The following ADAMTS19 variants were observed in gnomAD, a reference collection of about 807,000 sequenced individuals.
ADAMTS19 encodes the protein A disintegrin and metalloproteinase with thrombospondin motifs 19.
Under a neutral mutation model 153.3 loss-of-function variants are expected in ADAMTS19, and 93 were observed. The ratio of observed to expected loss-of-function variants is 0.61; its 90% CI spans 0.51 to 0.72. The LOEUF is 0.72. Among genes scored for constraint, ADAMTS19 ranks in the 30% least tolerant of loss-of-function variants. The pLI is 0.00. For synonymous variants in ADAMTS19, 600 were observed against 556.6 expected (o/e 1.08, Z -1.10); for missense variants, 1,482 against 1,552.1 (o/e 0.95, Z 0.76).
At chr5:129,671,983 C>T (rs961122766) in intron 16 of ADAMTS19, among the ~76,000 whole-genome samples, 1 of 152,144 alleles carries the variant, frequency 6.6e-6, no homozygotes, top group Non-Finnish European at 1.5e-5. Context: ...TCTCTTTGGG[C>T]TGCTATAACA....
rs935638945 is a variant in ADAMTS19, at chr5:129,670,109, C to G, written c.2506+4530C>G. Reference sequence around the variant, plus strand: ...GCATCAGGAAATCATTTCAGTTACTCAAAATTATTACTTTTTCTCTGTATA... The same window carrying G: ...GCATCAGGAAATCATTTCAGTTACTGAAAATTATTACTTTTTCTCTGTATA... On this transcript the variant is annotated intron_variant, in intron 16 of 22. Coordinates refer to ENST00000274487, the MANE Select transcript of ADAMTS19 (RefSeq NM_133638.6). Among the ~76,000 whole-genome samples, 79 of 152,090 alleles carry G rather than the reference C, an allele frequency of 5.2e-4. 1 individual carries two copies. The highest frequency in any genetic ancestry group is 4.4e-5 in the Non-Finnish European group (3 of 67,990).
chr5:129,634,054 G>C (rs1284516494), intron 10 of ADAMTS19, among the ~76,000 whole-genome samples: 1 of 152,076 alleles, frequency 6.6e-6, no homozygotes, highest in Admixed American at 6.6e-5. Flanking sequence ...TGTTTTTCCA[G>C]TTGGAACCTA....
chr5:129,684,811 C>A (rs1755003640), intron 18 of ADAMTS19, among the ~76,000 whole-genome samples: 1 of 151,960 alleles, frequency 6.6e-6, no homozygotes, highest in Non-Finnish European at 1.5e-5. Context: ...CACGGCGAAA[C>A]CCCGTCTCTA....
In ADAMTS19 at chr5:129,647,966, C is replaced by T. The variant is rs1016857061; in HGVS notation, c.2003+71C>T. ...GAATGCAAAGGTTTTACTGATAAAG[C>T]ATGTTGGAAAGCAAAAGAAGCTCCT... On this transcript the variant is annotated intron_variant, in intron 12 of 22. Transcript: ENST00000274487. 6.0e-6 allele frequency: 9 copies of T among 1,499,940 alleles called. No individual in the cohort carries two copies. The African/African-American group carries it at 1.1e-4, about 18-fold the overall frequency. 92.9% of individuals were successfully genotyped at this position (1,499,940 alleles called of 1,614,324 possible).
chr5:129,664,357 G>A (rs980129963), intron 15 of ADAMTS19, among the ~76,000 whole-genome samples: 2 of 152,084 alleles, frequency 1.3e-5, no homozygotes, highest in Non-Finnish European at 2.9e-5. Flanking sequence ...TTATGCATTT[G>A]TTTCCATTTT....
intron 21 of ADAMTS19, among the ~76,000 whole-genome samples, chr5:129,733,573 G>A (rs1757538819): frequency 6.6e-6 from 1 of 151,704 alleles, no homozygotes; most frequent in South Asian, 2.1e-4. Context: ...ATCACTAATC[G>A]TCCAAGAAAT....
At chr5:129,699,437 A>G (rs1039210677) in intron 19 of ADAMTS19, among the ~76,000 whole-genome samples, 5 of 152,042 alleles carry the variant, frequency 3.3e-5, no homozygotes, top group East Asian at 1.9e-4. Context: ...AAAAAAAAAA[A>G]AAAGAAAGAC....
chr5:129,687,814 A>G (rs1450800202), intron 18 of ADAMTS19, among the ~76,000 whole-genome samples: 1 of 152,044 alleles, frequency 6.6e-6, no homozygotes, highest in Non-Finnish European at 1.5e-5. Context: ...TCTTCTAGAG[A>G]TTATTTAGGT....
At chr5:129,570,996 TTC>T (rs990879218) in intron 7 of ADAMTS19, among the ~76,000 whole-genome samples, 2 of 151,900 alleles carry the variant, frequency 1.3e-5, no homozygotes, top group Non-Finnish European at 2.9e-5. Flanking sequence ...AACGAATGCT[TTC>T]TGACTCAGAC....
At chr5:129,732,678 G>C (rs79871320) in intron 21 of ADAMTS19, among the ~76,000 whole-genome samples, 2,393 of 152,008 alleles carry the variant, frequency 0.016, 62 homozygotes, top group African/African-American at 0.053. Flanking sequence ...ACAAACAAAA[G>C]GAAGAACATC....
At chr5:129,587,849 T>G (rs1175930100) in intron 7 of ADAMTS19, among the ~76,000 whole-genome samples, 1 of 152,108 alleles carries the variant, frequency 6.6e-6, no homozygotes, top group Non-Finnish European at 1.5e-5. Context: ...TCTGCAGTTG[T>G]ACTCTTCTGG....
At chr5:129,705,234 C>T (rs1388404195) in intron 21 of ADAMTS19, among the ~76,000 whole-genome samples, 1 of 152,244 alleles carries the variant, frequency 6.6e-6, no homozygotes, top group African/African-American at 2.4e-5. Context: ...TAAATCCTCT[C>T]TCCTTCCCCT....
At chr5:129,606,268 A>G (rs535864251) in intron 8 of ADAMTS19, among the ~76,000 whole-genome samples, 1 of 152,192 alleles carries the variant, frequency 6.6e-6, no homozygotes, top group Non-Finnish European at 1.5e-5. Flanking sequence ...CCTGGATAGA[A>G]TAGAGGGGAG....
intron 2 of ADAMTS19, among the ~76,000 whole-genome samples, chr5:129,475,335 T>C (rs1033343010): frequency 1.3e-5 from 2 of 152,222 alleles, no homozygotes; most frequent in Non-Finnish European, 2.9e-5. Flanking sequence ...GAAAATACCA[T>C]ACTTTCCTCA....
chr5:129,465,709 C>T (rs965135186), intron 2 of ADAMTS19, among the ~76,000 whole-genome samples: 1 of 152,156 alleles, frequency 6.6e-6, no homozygotes, highest in African/African-American at 2.4e-5. Context: ...GAAATAAACA[C>T]ATAACGAGGA....
rs142604007 is a variant in ADAMTS19, at chr5:129,625,918, C to T, written c.1770+3570C>T. Among the ~76,000 whole-genome samples the T allele has an allele frequency of 3.3e-3, 508 of 152,234 alleles. 4 individuals are homozygous for T. The highest frequency in any genetic ancestry group is 0.011 in the African/African-American group (440 of 41,546). On this transcript the variant is annotated intron_variant, in intron 10 of 22. Coordinates refer to ENST00000274487, the MANE Select transcript of ADAMTS19 (RefSeq NM_133638.6). ...GTGTTTTAGTCCTGAAGTCCTTGCCCATGCCTATGTCCTGAATGGTATTAC... is the reference window on the plus strand; with the variant it reads ...GTGTTTTAGTCCTGAAGTCCTTGCCTATGCCTATGTCCTGAATGGTATTAC...
chr5:129,486,190 A>G (rs1750585773), intron 2 of ADAMTS19, among the ~76,000 whole-genome samples: 1 of 152,194 alleles, frequency 6.6e-6, no homozygotes, highest in African/African-American at 2.4e-5. Flanking sequence ...AAGAAGTACT[A>G]GAAATTCTTT....
intron 4 of ADAMTS19, 130 bp from the exon 5 acceptor site, chr5:129,527,616 CTT>C (rs370814072): frequency 0.025 from 4,390 of 176,168 alleles, 37 homozygotes; most frequent in African/African-American, 0.038. Flanking sequence ...GCTTTACAAG[CTT>C]TTTTTTTTTT....
At chr5:129,471,447 AAAAGAAGGAAGGAAGGAAGG>A (rs1750063506) in intron 2 of ADAMTS19, among the ~76,000 whole-genome samples, 1 of 117,648 alleles carries the variant, frequency 8.5e-6, no homozygotes, top group African/African-American at 5.0e-5. Flanking sequence ...GAAAGAAAGA[AAAAGAAGGAAGGAAGGAAGG>A]AAGGAAGGAA....
Sources: allele counts gnomAD v4.1 joint callset (sites outside exome capture counted in the v4.1 genomes callset), GRCh38; gene constraint gnomAD v4.1.1; transcripts MANE v1.5; gene names NCBI Gene and HGNC (gene_info 2026-07-23, HGNC 2026-07-21).